Variants in CPLX2 observed in about 807,000 individuals in gnomAD.
The protein encoded by CPLX2 is complexin 2.
A neutral mutation model predicts 16.3 loss-of-function variants in CPLX2; 5 were observed. That is an observed-to-expected ratio of 0.31 (90% confidence interval 0.16 to 0.64). CPLX2 has a LOEUF of 0.64. Ranked by LOEUF, CPLX2 falls within the 30% of genes least tolerant of loss-of-function variation. The pLI is 0.79. For synonymous variants in CPLX2, 89 were observed against 73.2 expected (o/e 1.22, Z -1.10); for missense variants, 144 against 181.4 (o/e 0.79, Z 1.18).
chr5:175,833,644 T>C (rs540640632), intron 2 of CPLX2, among the ~76,000 whole-genome samples: 65 of 152,210 alleles, frequency 4.3e-4, no homozygotes, highest in Non-Finnish European at 6.6e-4. Flanking sequence ...AGAAACACTG[T>C]TTGACACATC....
intron 2 of CPLX2, chr5:175,837,555 A>C (rs558143910): frequency 5.2e-4 from 79 of 152,366 alleles, no homozygotes; most frequent in African/African-American, 1.8e-3. Flanking sequence ...AAGGAGCTGG[A>C]CCAGAAGGCT....
chr5:175,835,222 G>A (rs999835357), intron 2 of CPLX2, among the ~76,000 whole-genome samples: 1 of 152,302 alleles, frequency 6.6e-6, no homozygotes, highest in African/African-American at 2.4e-5. Context: ...GGAGCCTGGA[G>A]CAGCTAAAAC....
intron 1 of CPLX2, among the ~76,000 whole-genome samples, chr5:175,877,303 T>C (rs1032983053): frequency 6.6e-6 from 1 of 151,494 alleles, no homozygotes; most frequent in Non-Finnish European, 1.5e-5. Flanking sequence ...ATCACGTAGA[T>C]AAGCTCTTGG....
upstream of CPLX2, among the ~76,000 whole-genome samples, chr5:175,868,584 C>G (rs1206963106): frequency 6.6e-6 from 1 of 152,130 alleles, no homozygotes; most frequent in South Asian, 2.1e-4. Context: ...TCGGCAAGAA[C>G]CTGCGGCTGG....
intron 2 of CPLX2, among the ~76,000 whole-genome samples, chr5:175,827,591 C>T (rs1300769208): frequency 1.3e-5 from 2 of 152,140 alleles, no homozygotes; most frequent in South Asian, 2.1e-4. Context: ...CCTGTCTCTA[C>T]TAAAAATACA....
At position 175,879,088 on chromosome 5, in the gene CPLX2, G is replaced by A. The variant is rs1199112862; in HGVS notation, c.207+5G>A. The A allele has an allele frequency of 6.4e-7, 1 of 1,559,462 alleles. No individual in the cohort carries two copies. Among genetic ancestry groups the A allele is most frequent in the Non-Finnish European group, 8.7e-7 (1 of 1,152,174 alleles). ...CGGCAGCAGATCCGAGATAAGGTCA[G>A]CTCCGCCCGCCCGCCCGTCCTGGGG... On this transcript the variant is annotated splice_donor_5th_base_variant and intron_variant, in intron 3 of 3. Coordinates refer to ENST00000393745, the MANE Select transcript of CPLX2 (RefSeq NM_001008220.2).
chr5:175,879,488 T>G (rs1180615914), intron 3 of CPLX2, among the ~76,000 whole-genome samples: 1 of 152,230 alleles, frequency 6.6e-6, no homozygotes, highest in African/African-American at 2.4e-5. Context: ...TGTCTGTTAG[T>G]GCGTGCAATA....
At chr5:175,859,337 G>C (rs1308848806) in intron 2 of CPLX2, among the ~76,000 whole-genome samples, 1 of 152,210 alleles carries the variant, frequency 6.6e-6, no homozygotes, top group Non-Finnish European at 1.5e-5. Context: ...TGCATCAAAT[G>C]GAAAGAGGCC....
intron 2 of CPLX2, among the ~76,000 whole-genome samples, chr5:175,823,112 G>A (rs1025472277): frequency 6.6e-6 from 1 of 152,222 alleles, no homozygotes; most frequent in Non-Finnish European, 1.5e-5. Context: ...AGCACCTTAT[G>A]CTTCCCCTAT....
At chr5:175,804,885 G>T (rs1051863860) in intron 1 of CPLX2, among the ~76,000 whole-genome samples, 1 of 152,174 alleles carries the variant, frequency 6.6e-6, no homozygotes, top group Non-Finnish European at 1.5e-5. Flanking sequence ...AGATCCTGAG[G>T]TGGACACCTC....
At chr5:175,797,350 A>T (rs1205785077) in intron 1 of CPLX2, among the ~76,000 whole-genome samples, 1 of 151,742 alleles carries the variant, frequency 6.6e-6, no homozygotes, top group Non-Finnish European at 1.5e-5. Context: ...CCGCCCGCCG[A>T]GGCCTGGCCG....
chr5:175,821,022 T>G (rs920346879), intron 2 of CPLX2, among the ~76,000 whole-genome samples: 4 of 152,160 alleles, frequency 2.6e-5, no homozygotes, highest in African/African-American at 7.2e-5. Context: ...GCAGTGACAC[T>G]GCAGACCTCC....
intron 2 of CPLX2, among the ~76,000 whole-genome samples, chr5:175,817,394 G>A (rs530332604): frequency 6.6e-6 from 1 of 152,298 alleles, no homozygotes; most frequent in Non-Finnish European, 1.5e-5. Context: ...CTGACATCAC[G>A]TGTCTAATGC....
chr5:175,834,426 G>A (rs989122048), intron 2 of CPLX2, among the ~76,000 whole-genome samples: 2 of 152,178 alleles, frequency 1.3e-5, no homozygotes, highest in African/African-American at 2.4e-5. Flanking sequence ...CTAAGTAGAC[G>A]CAGAGTCTGC....
At chr5:175,802,230 C>A (rs1370067325) in intron 1 of CPLX2, among the ~76,000 whole-genome samples, 1 of 152,156 alleles carries the variant, frequency 6.6e-6, no homozygotes, top group African/African-American at 2.4e-5. Flanking sequence ...GGAAAATAAA[C>A]CAAACTTCCA....
At chr5:175,856,791 G>A (rs1051003468) in intron 2 of CPLX2, among the ~76,000 whole-genome samples, 1 of 152,154 alleles carries the variant, frequency 6.6e-6, no homozygotes, top group African/African-American at 2.4e-5. Context: ...CAGGAAGGTG[G>A]GGGGTGGGGA....
intron 1 of CPLX2, among the ~76,000 whole-genome samples, chr5:175,802,781 C>T (rs1188749078): frequency 1.3e-5 from 2 of 152,138 alleles, no homozygotes; most frequent in African/African-American, 4.8e-5. Flanking sequence ...CAATGACAGG[C>T]ACATACCAGA....
intron 1 of CPLX2, chr5:175,808,876 C>G (rs1432583836): frequency 6.6e-6 from 1 of 152,246 alleles, no homozygotes; most frequent in Non-Finnish European, 1.5e-5. Flanking sequence ...GTGGTGGCCT[C>G]CGGAGAAGTG....
intron 2 of CPLX2, among the ~76,000 whole-genome samples, chr5:175,854,425 C>T (rs1044277042): frequency 2.0e-5 from 3 of 152,064 alleles, no homozygotes; most frequent in South Asian, 2.1e-4. Flanking sequence ...ACTGGGGAGG[C>T]GCAAATAGTC....
Sources: allele counts gnomAD v4.1 joint callset (sites outside exome capture counted in the v4.1 genomes callset), GRCh38; gene constraint gnomAD v4.1.1; transcripts MANE v1.5; gene names NCBI Gene and HGNC (gene_info 2026-07-23, HGNC 2026-07-21).